The following POLA2 variants were observed in gnomAD, a reference collection of about 807,000 sequenced individuals.
POLA2 encodes DNA polymerase alpha subunit B.
A neutral mutation model predicts 82.8 loss-of-function variants in POLA2; 47 were observed. The ratio of observed to expected loss-of-function variants is 0.57; its 90% confidence interval spans 0.45 to 0.72. The LOEUF is 0.72. POLA2 is among the 30% of genes least tolerant of loss of function. POLA2 has a pLI of 0.00. For synonymous variants in POLA2, 287 were observed against 286.8 expected (o/e 1.00, Z -0.01); for missense variants, 634 against 728.1 (o/e 0.87, Z 1.49).
At chr11:65,303,921 A>G (rs1161794273) in intron 8 of POLA2, among the ~76,000 whole-genome samples, 1 of 152,148 alleles carries the variant, frequency 6.6e-6, no homozygotes, top group African/African-American at 2.4e-5. Flanking sequence ...AGTGGACAGA[A>G]TCTCTGCTGC....
At position 65,295,819 on chromosome 11, in the gene POLA2, G is replaced by C. The variant is rs561916378; in HGVS notation, c.1521-45G>C. On this transcript the variant is annotated intron_variant, in intron 16 of 17. Coordinates refer to ENST00000265465, the MANE Select transcript of POLA2 (RefSeq NM_002689.4). Reference sequence around the variant, plus strand: ...TAGGGGGACTCTGTCTGAGAAGGGGGCCCCCCGGTCAGCTAGTGCTGACAA... The same window carrying C: ...TAGGGGGACTCTGTCTGAGAAGGGGCCCCCCCGGTCAGCTAGTGCTGACAA... 8 of 1,589,720 alleles carry C rather than the reference G, an allele frequency of 5.0e-6. No individual in the cohort carries two copies. In the East Asian group the frequency reaches 1.8e-4, roughly 36 times the overall value.
intron 10 of POLA2, among the ~76,000 whole-genome samples, chr11:65,284,001 G>T (rs1316150688): frequency 6.6e-6 from 1 of 151,754 alleles, no homozygotes; most frequent in African/African-American, 2.4e-5. Context: ...CGGCATGGTG[G>T]CATGTGCCTG....
downstream of POLA2, among the ~76,000 whole-genome samples, chr11:65,303,191 A>T (rs1000333923): frequency 1.3e-5 from 2 of 151,956 alleles, no homozygotes; most frequent in African/African-American, 4.8e-5. Context: ...AAACACAAAA[A>T]ATTGGCCGGG....
At chr11:65,285,337 A>G (rs949074853) in intron 10 of POLA2, among the ~76,000 whole-genome samples, 7 of 151,968 alleles carry the variant, frequency 4.6e-5, no homozygotes, top group Admixed American at 2.0e-4. Flanking sequence ...CCTGGGAGGT[A>G]GAAGTTGCAG....
chr11:65,266,406 G>A, intron 1 of POLA2, 176 bp from the exon 2 acceptor site: 1 of 615,516 alleles, frequency 1.6e-6, no homozygotes, highest in Non-Finnish European at 2.8e-6. Context: ...TCTCCCCTCA[G>A]TGGTGAGCTT....
chr11:65,294,677 A>C, intron 15 of POLA2, 25 bp downstream of exon 15: 1 of 1,502,774 alleles, frequency 6.7e-7, no homozygotes, highest in Non-Finnish European at 9.2e-7. Flanking sequence ...CCAGGCCCCA[A>C]GCAGGATGAC....
intron 10 of POLA2, among the ~76,000 whole-genome samples, chr11:65,285,030 C>T (rs913545904): frequency 6.6e-5 from 10 of 151,996 alleles, no homozygotes; most frequent in African/African-American, 2.4e-4. Flanking sequence ...CGTGGTGGCT[C>T]ATGCTGGCGC....
chr11:65,285,130 G>A (rs1328103819), intron 10 of POLA2, among the ~76,000 whole-genome samples: 1 of 151,976 alleles, frequency 6.6e-6, no homozygotes, highest in African/African-American at 2.4e-5. Context: ...ATTAGGCCAG[G>A]CGCAGTGGTT....
intron 12 of POLA2, among the ~76,000 whole-genome samples, chr11:65,289,569 T>C (rs897172719): frequency 1.3e-5 from 2 of 152,236 alleles, no homozygotes; most frequent in African/African-American, 4.8e-5. Context: ...CAAAGTACTC[T>C]TTCTTTTAGT....
At chr11:65,273,711 CTTGAACTCCTGAGCTCA>C (rs1019876612) in intron 4 of POLA2, among the ~76,000 whole-genome samples, 3 of 151,830 alleles carry the variant, frequency 2.0e-5, no homozygotes, top group African/African-American at 7.3e-5. Flanking sequence ...TCAGGCTGGT[CTTGAACTCCTGAGCTCA>C]AGTGATCCTC....
chr11:65,266,929 T>C (rs1949467573), intron 2 of POLA2, among the ~76,000 whole-genome samples: 2 of 152,138 alleles, frequency 1.3e-5, no homozygotes, highest in African/African-American at 4.8e-5. Context: ...TAAATGGGGC[T>C]GGGCGCCGTG....
Position 65,298,433 on chromosome 11 carries a change from C to T in POLA2, c.*1164C>T, listed in dbSNP as rs1383740793. On this transcript the variant is annotated 3_prime_UTR_variant, in exon 18 of 18. Coordinates refer to ENST00000265465, the MANE Select transcript of POLA2 (RefSeq NM_002689.4). Reference sequence around the variant, plus strand: ...TGGGGAAAAGCTGTCACTGGCCAGACGTGGAGTGGCTTCCTGCCCTAAGCT... The same window carrying T: ...TGGGGAAAAGCTGTCACTGGCCAGATGTGGAGTGGCTTCCTGCCCTAAGCT... 2 of 152,300 alleles carry T rather than the reference C, an allele frequency of 1.3e-5. No individual in the cohort carries two copies. The highest frequency in any genetic ancestry group is 1.9e-4 in the East Asian group (1 of 5,202). The allele number at this position is 152,300 out of a possible 1,614,324, so 9.4% of individuals were successfully genotyped here.
rs1237730697 is a variant in POLA2 at position 65,262,323 on chromosome 11, G to C, written c.31G>C (p.Glu11Gln). 6.2e-7 allele frequency: 1 copy of C among 1,613,844 alleles called. No individual in the cohort carries two copies. Among genetic ancestry groups the C allele is most frequent in the Admixed American group, 1.7e-5 (1 of 60,010 alleles). ...CGCATCCGCCCAGCAGCTGGCGGAG[G>C]AGCTGCAGATCTTCGGCCTAGACTG... MSASAQQLAEELQIFGLDCEE... is the reference protein window; with the variant it reads MSASAQQLAEQLQIFGLDCEE... The change falls in exon 1 of 18, where the codon GAG becomes CAG. Residue 11 changes from glutamate (E) to glutamine (Q), a missense_variant. Coordinates refer to ENST00000265465, the MANE Select transcript of POLA2 (RefSeq NM_002689.4).
At position 65,287,966 on chromosome 11, in the gene POLA2, C is replaced by T. The variant is rs1949714812; in HGVS notation, c.1131+126C>T. The stretch of plus-strand genomic sequence containing the variant: ...AAAATATCTTTTCATTCTTAATCTA[C>T]ATCTTTGGAGAGGTATATATATCTA... On this transcript the variant is annotated intron_variant, in intron 11 of 17. Transcript: ENST00000265465. 4.9e-6 allele frequency: 5 copies of T among 1,024,626 alleles called. No individual in the cohort carries two copies. In the East Asian group the frequency reaches 1.3e-4, roughly 27 times the overall value. 63.5% of individuals were successfully genotyped at this position (1,024,626 alleles called of 1,614,324 possible). A position where few individuals can be genotyped will look rare whatever the true frequency, so the allele number is the denominator to read the frequency against.
In POLA2 at chr11:65,293,351, T is replaced by C. The variant is rs532358907; in HGVS notation, c.1245-802T>C. 9.2e-5 allele frequency among the ~76,000 whole-genome samples: 14 copies of C among 152,268 alleles called. No homozygotes were observed. The South Asian group carries it at 2.7e-3, about 29-fold the overall frequency. ...CAGGCCAGGTGTGGTGGCTCACACA[T>C]GTAATCCCAACACTTTGGGAGGCCA... On this transcript the variant is annotated intron_variant, in intron 13 of 17. Transcript: ENST00000265465.
intron 12 of POLA2, 133 bp from the exon 13 acceptor site, chr11:65,289,666 G>T: frequency 1.6e-6 from 1 of 614,542 alleles, no homozygotes. Context: ...CAAAGACCAT[G>T]TCTTTTTCAT....
downstream of POLA2, among the ~76,000 whole-genome samples, chr11:65,301,434 A>C (rs914437861): frequency 7.9e-5 from 12 of 151,168 alleles, no homozygotes; most frequent in Admixed American, 5.9e-4. Flanking sequence ...TTGAGGGGAG[A>C]GGGGCTCAGG....
chr11:65,279,769 C>T (rs1565479093), intron 7 of POLA2, 143 bp downstream of exon 7: 4 of 595,996 alleles, frequency 6.7e-6, no homozygotes, highest in African/African-American at 3.8e-5. Context: ...GGAAAATGGG[C>T]CCTTCTGAAG....
intron 13 of POLA2, among the ~76,000 whole-genome samples, chr11:65,293,060 C>G (rs761722612): frequency 5.3e-5 from 8 of 152,218 alleles, no homozygotes; most frequent in Non-Finnish European, 1.0e-4. Context: ...GATTCTCCTG[C>G]TCCATCAAAG....
Sources: gnomAD v4.1 joint callset for allele counts (sites outside exome capture counted in the v4.1 genomes callset) on GRCh38, gnomAD v4.1.1 for gene constraint, MANE v1.5 for transcripts, NCBI Gene and HGNC (gene_info 2026-07-23, HGNC 2026-07-21) for gene names.